The following SLIT3 variants were observed in gnomAD, a reference collection of about 807,000 sequenced individuals.
SLIT3 encodes slit homolog 3 protein.
In SLIT3, 68 loss-of-function variants were observed where a neutral mutation model predicts 184.0. The observed-to-expected ratio is 0.37, with a 90% CI of 0.30 to 0.45. The LOEUF is 0.45. SLIT3 is among the 20% of genes least tolerant of loss of function. The pLI is 1.00. For missense variants in SLIT3, 1,707 were observed against 2,026.0 expected (o/e 0.84, Z 3.02); for synonymous variants, 831 against 828.6 (o/e 1.00, Z -0.05).
At chr5:168,827,623 T>C (rs573877615) in intron 6 of SLIT3, among the ~76,000 whole-genome samples, 1 of 152,282 alleles carries the variant, frequency 6.6e-6, no homozygotes, top group African/African-American at 2.4e-5. Flanking sequence ...ATCCTTAATG[T>C]TGTCCCATGT....
At position 168,874,368 on chromosome 5, in the gene SLIT3, TA is replaced by T. The variant is rs1414081566; in HGVS notation, c.485+8896del. ...TTCATTCAGGGTTTCAGCTGTTCCC[TA>T]AAAACGGGAGTCTCTTTGTTCTGCA... On this transcript the variant is annotated intron_variant, in intron 5 of 35. Coordinates refer to ENST00000519560, the MANE Select transcript of SLIT3 (RefSeq NM_003062.4). Among the ~76,000 whole-genome samples the T allele has an allele frequency of 2.0e-5, 3 of 152,344 alleles. No individual in the cohort carries two copies. In the East Asian group the frequency reaches 5.8e-4, roughly 29 times the overall value.
At chr5:168,905,103 G>A (rs1214291910) in intron 4 of SLIT3, among the ~76,000 whole-genome samples, 2 of 152,140 alleles carry the variant, frequency 1.3e-5, no homozygotes, top group Non-Finnish European at 2.9e-5. Flanking sequence ...CTCGAACCCG[G>A]GAGGCGGAGG....
intron 4 of SLIT3, among the ~76,000 whole-genome samples, chr5:169,040,760 T>G (rs1757421170): frequency 6.6e-6 from 1 of 152,192 alleles, no homozygotes; most frequent in African/African-American, 2.4e-5. Flanking sequence ...CTCAATCAAT[T>G]ATCCCTTTTC....
intron 4 of SLIT3, among the ~76,000 whole-genome samples, chr5:169,011,241 T>G (rs1756136520): frequency 6.6e-6 from 1 of 152,192 alleles, no homozygotes; most frequent in African/African-American, 2.4e-5. Flanking sequence ...TTAGAAGCCT[T>G]TGTGAACCCT....
intron 1 of SLIT3, among the ~76,000 whole-genome samples, chr5:169,275,685 A>T (rs553391183): frequency 1.5e-4 from 23 of 152,300 alleles, no homozygotes; most frequent in African/African-American, 5.3e-4. Flanking sequence ...ATAAACCCAG[A>T]TCTCATGAGA....
chr5:168,920,243 C>T (rs865918695), intron 4 of SLIT3, among the ~76,000 whole-genome samples: 1 of 152,182 alleles, frequency 6.6e-6, no homozygotes. Flanking sequence ...AAGCTATGCA[C>T]ACTTACCTGA....
At chr5:168,929,674 C>T (rs994657081) in intron 4 of SLIT3, among the ~76,000 whole-genome samples, 1 of 152,220 alleles carries the variant, frequency 6.6e-6, no homozygotes, top group Non-Finnish European at 1.5e-5. Flanking sequence ...GGTTATTTAT[C>T]TGAAGTCTAC....
chr5:169,001,173 G>GA (rs886237160), intron 4 of SLIT3, among the ~76,000 whole-genome samples: 23 of 151,986 alleles, frequency 1.5e-4, no homozygotes, highest in Admixed American at 3.3e-4. Flanking sequence ...AGGATGAAAT[G>GA]AAAAAAAATT....
intron 4 of SLIT3, among the ~76,000 whole-genome samples, chr5:169,035,442 G>C (rs991932785): frequency 1.3e-5 from 2 of 152,042 alleles, no homozygotes; most frequent in African/African-American, 2.4e-5. Flanking sequence ...GAGGTCAGGA[G>C]ATCGAGACCA....
At chr5:168,717,902 C>G (rs1762795002) in intron 23 of SLIT3, among the ~76,000 whole-genome samples, 1 of 152,196 alleles carries the variant, frequency 6.6e-6, no homozygotes, top group Middle Eastern at 3.4e-3. Flanking sequence ...CCTCATGATC[C>G]ACCCGCCTCG....
intron 1 of SLIT3, among the ~76,000 whole-genome samples, chr5:169,286,278 C>T (rs1767147659): frequency 6.6e-6 from 1 of 152,184 alleles, no homozygotes. Context: ...CCAAGCCAAT[C>T]AGTTTTAAGA....
chr5:168,973,016 T>C (rs906334975), intron 4 of SLIT3, among the ~76,000 whole-genome samples: 13 of 152,186 alleles, frequency 8.5e-5, no homozygotes, highest in Non-Finnish European at 1.6e-4. Context: ...TGGCACAGTC[T>C]TTCCTTAGAT....
At chr5:168,947,138 T>TACAC (rs141683153) in intron 4 of SLIT3, among the ~76,000 whole-genome samples, 3,625 of 152,110 alleles carry the variant, frequency 0.024, 151 homozygotes, top group African/African-American at 0.082. Context: ...AATTAGATCC[T>TACAC]ACACACACAC....
intron 4 of SLIT3, among the ~76,000 whole-genome samples, chr5:168,884,936 T>G (rs1169221094): frequency 6.6e-6 from 1 of 152,106 alleles, no homozygotes; most frequent in African/African-American, 2.4e-5. Flanking sequence ...CACTCCATGC[T>G]GATTTTCCAA....
chr5:168,769,677 G>A (rs1036092846), intron 14 of SLIT3, among the ~76,000 whole-genome samples: 6 of 152,178 alleles, frequency 3.9e-5, no homozygotes, highest in Non-Finnish European at 5.9e-5. Flanking sequence ...CCTGGTACAA[G>A]AGCAGGGGAA....
chr5:168,932,283 G>T lies in SLIT3; in HGVS notation c.414-48947C>A, dbSNP rs1189242130. ...GTTTTTTTTTTTTTTTTGGTACAAG[G>T]CACTATATATTTCAAATCATTCTTC... On this transcript the variant is annotated intron_variant, in intron 4 of 35. Transcript: ENST00000519560. Among the ~76,000 whole-genome samples, 3 of 139,088 alleles carry T rather than the reference G, an allele frequency of 2.2e-5. No homozygotes were observed. The East Asian group carries it at 6.4e-4, about 30-fold the overall frequency. The allele number at this position is 139,088 out of a possible 152,430, so 91.2% of individuals were successfully genotyped here.
intron 4 of SLIT3, among the ~76,000 whole-genome samples, chr5:169,113,375 T>C (rs941208784): frequency 5.3e-5 from 8 of 152,242 alleles, no homozygotes; most frequent in African/African-American, 1.9e-4. Flanking sequence ...TCAAGGTCTA[T>C]CCATGTTGTT....
At chr5:169,203,725 G>C (rs2113493690) in intron 3 of SLIT3, among the ~76,000 whole-genome samples, 1 of 152,270 alleles carries the variant, frequency 6.6e-6, no homozygotes, top group South Asian at 2.1e-4. Context: ...AATAATTTGA[G>C]GGTAGAGCAG....
At chr5:169,295,860 A>C (rs1026087004) in intron 1 of SLIT3, among the ~76,000 whole-genome samples, 3 of 152,256 alleles carry the variant, frequency 2.0e-5, no homozygotes, top group Admixed American at 2.0e-4. Flanking sequence ...CAAGAAGAGC[A>C]GCAATCAAAA....
Sources: gnomAD v4.1 joint callset for allele counts (sites outside exome capture counted in the v4.1 genomes callset) on GRCh38, gnomAD v4.1.1 for gene constraint, MANE v1.5 for transcripts, NCBI Gene and HGNC (gene_info 2026-07-23, HGNC 2026-07-21) for gene names.